Variants in MAML3 observed in about 807,000 individuals in gnomAD.
MAML3 encodes mastermind-like protein 3.
In MAML3, 27 loss-of-function variants were observed where a neutral mutation model predicts 101.9. That is an observed-to-expected ratio of 0.27 (90% CI 0.20 to 0.37). The LOEUF (loss-of-function observed/expected upper bound fraction) is 0.37, where lower values mean the gene tolerates loss of function less well. Among genes scored for constraint, MAML3 ranks in the 10% least tolerant of loss-of-function variants. The probability of loss-of-function intolerance (pLI) is 1.00; values close to 1 mark genes in which losing one functional copy is unlikely to be tolerated. For synonymous variants in MAML3, 501 were observed against 555.9 expected, an observed-to-expected ratio of 0.90 and a Z score of 1.39; for missense variants, 1,316 against 1,444.9, an observed-to-expected ratio of 0.91 and a Z score of 1.45.
rs550176436 is a variant in MAML3 at position 139,772,644 on chromosome 4, A to C, written c.2080-41977T>G. ...AGGTGTGAGCCACTGCGCCTGGCCA[A>C]AGTTATCTTAACATTATTGGCCCTC... On this transcript the variant is annotated intron_variant, in intron 2 of 4. Coordinates refer to ENST00000509479, the MANE Select transcript of MAML3 (RefSeq NM_018717.5). Among the ~76,000 whole-genome samples, 9 of 151,990 alleles carry C rather than the reference A, an allele frequency of 5.9e-5. No individual in the cohort carries two copies. The South Asian group carries it at 1.0e-3, about 18-fold the overall frequency.
chr4:140,138,335 C>T (rs969222161), intron 1 of MAML3, among the ~76,000 whole-genome samples: 2 of 152,188 alleles, frequency 1.3e-5, no homozygotes, highest in Admixed American at 6.5e-5. Flanking sequence ...CTCCATGCTT[C>T]ATTGAAGAAA....
rs77380991 is a variant in MAML3 at position 139,934,882 on chromosome 4, G to A, written c.469-43915C>T. ...GAGAGAAAATAAACCCTAAGGCATA[G>A]AGTAATTTTCTGCTTGTTGAATCTT... On this transcript the variant is annotated intron_variant, in intron 1 of 4. Coordinates refer to ENST00000509479, the MANE Select transcript of MAML3 (RefSeq NM_018717.5). Among the ~76,000 whole-genome samples the A allele has an allele frequency of 5.4e-4, 82 of 152,280 alleles. 1 individual carries two copies. The highest frequency in any genetic ancestry group is 1.8e-3 in the African/African-American group (74 of 41,552).
At chr4:139,812,335 G>A (rs565823423) in intron 2 of MAML3, among the ~76,000 whole-genome samples, 3 of 152,180 alleles carry the variant, frequency 2.0e-5, no homozygotes, top group Admixed American at 6.5e-5. Context: ...AACACAGTAC[G>A]ATTAGCTGAA....
intron 1 of MAML3, among the ~76,000 whole-genome samples, chr4:139,898,018 C>G (rs146481738): frequency 1.3e-5 from 2 of 152,218 alleles, no homozygotes; most frequent in Non-Finnish European, 2.9e-5. Flanking sequence ...GTGTCCTTTA[C>G]AATTCAGTTT....
chr4:140,000,286 C>A (rs965104064), intron 1 of MAML3, among the ~76,000 whole-genome samples: 21 of 151,814 alleles, frequency 1.4e-4, no homozygotes, highest in Non-Finnish European at 2.4e-4. Context: ...ATAAAAAGAG[C>A]CAGCAAAGCA....
At chr4:139,809,667 G>A (rs992481512) in intron 2 of MAML3, among the ~76,000 whole-genome samples, 4 of 152,072 alleles carry the variant, frequency 2.6e-5, no homozygotes, top group African/African-American at 9.7e-5. Flanking sequence ...AACCATATGT[G>A]TTCTCACCCT....
intron 1 of MAML3, among the ~76,000 whole-genome samples, chr4:140,136,767 G>C (rs1578704003): frequency 6.6e-6 from 1 of 152,164 alleles, no homozygotes; most frequent in African/African-American, 2.4e-5. Flanking sequence ...CCACCAAAGG[G>C]AAAGGAAAAC....
chr4:140,095,417 A>G (rs1474340120), intron 1 of MAML3, among the ~76,000 whole-genome samples: 5 of 151,982 alleles, frequency 3.3e-5, no homozygotes, highest in Non-Finnish European at 4.4e-5. Context: ...TTGACCCCCA[A>G]TTGGCAACAA....
intron 2 of MAML3, among the ~76,000 whole-genome samples, chr4:139,792,557 TG>T (rs761389134): frequency 1.3e-5 from 2 of 152,176 alleles, no homozygotes; most frequent in Admixed American, 1.3e-4. Flanking sequence ...GCATTTAAAA[TG>T]TTATATACTT....
chr4:140,092,001 G>A (rs184134277), intron 1 of MAML3, among the ~76,000 whole-genome samples: 34 of 149,732 alleles, frequency 2.3e-4, no homozygotes, highest in Admixed American at 2.0e-3. Context: ...AAAGCAGTGG[G>A]GTATCATCTC....
At position 139,720,108 on chromosome 4, in the gene MAML3, T is replaced by C; in HGVS notation, c.2632A>G (p.Met878Val). 3.1e-6 allele frequency: 5 copies of C among 1,614,092 alleles called. No homozygotes were observed. Among genetic ancestry groups the C allele is most frequent in the Non-Finnish European group, 4.2e-6 (5 of 1,179,908 alleles). ...TTTGGATGCTGCAACATTTGGGTCA[T>C]GCCTGTGCTCATATTGTACATTCCT... ...QPGMYNMSTG[M>V]TQMLQHPNQS... Residue 878 changes from methionine to valine, a missense_variant, in exon 5 of 5, where the codon ATG becomes GTG. Met to Val is a conservative substitution (Grantham distance 21). Coordinates refer to ENST00000509479, the MANE Select transcript of MAML3 (RefSeq NM_018717.5).
intron 1 of MAML3, among the ~76,000 whole-genome samples, chr4:140,035,730 C>A (rs979724033): frequency 1.3e-4 from 19 of 151,836 alleles, no homozygotes; most frequent in African/African-American, 4.6e-4. Flanking sequence ...TTGCAGTGAG[C>A]CGAGACTGCA....
At chr4:140,082,744 AT>A (rs34036610) in intron 1 of MAML3, among the ~76,000 whole-genome samples, 309 of 146,928 alleles carry the variant, frequency 2.1e-3, no homozygotes, top group Middle Eastern at 3.5e-3. Context: ...CCACTCTAGG[AT>A]TTTTTTTTTT....
chr4:139,769,204 C>CA (rs1182931047), intron 2 of MAML3, among the ~76,000 whole-genome samples: 1 of 152,204 alleles, frequency 6.6e-6, no homozygotes, highest in Non-Finnish European at 1.5e-5. Flanking sequence ...GAGCTGGGAA[C>CA]AGGCAGGCAG....
At position 140,088,888 on chromosome 4, in the gene MAML3, G is replaced by A. The variant is rs537311661; in HGVS notation, c.468+63972C>T. ...ATCTTAATTGTATCTCCCACAGTTC[G>A]GTGCTTTCAGTGTGGAATTTCTACA... On this transcript the variant is annotated intron_variant, in intron 1 of 4. Coordinates refer to ENST00000509479, the MANE Select transcript of MAML3 (RefSeq NM_018717.5). Among the ~76,000 whole-genome samples the A allele has an allele frequency of 3.3e-5, 5 of 152,142 alleles. No individual in the cohort carries two copies. The South Asian group carries it at 8.3e-4, about 25-fold the overall frequency.
chr4:139,998,129 T>G (rs982752903), intron 1 of MAML3, among the ~76,000 whole-genome samples: 4 of 152,184 alleles, frequency 2.6e-5, no homozygotes, highest in African/African-American at 9.6e-5. Flanking sequence ...TCCCATTATA[T>G]GTATGCTAGC....
chr4:139,732,218 A>G (rs1203726593), intron 2 of MAML3, among the ~76,000 whole-genome samples: 1 of 152,194 alleles, frequency 6.6e-6, no homozygotes, highest in African/African-American at 2.4e-5. Context: ...ACCGTTAAAC[A>G]TATTGGCAGT....
chr4:139,890,625 T>C lies in MAML3; in HGVS notation c.811A>G (p.Ser271Gly). ...DLEDSFTILQSKDLKQEPLDD... is the reference protein window; with the variant it reads ...DLEDSFTILQGKDLKQEPLDD... ...AGAGGTTCTTGTTTGAGGTCTTTGCTCTGCAAGATGGTGAAGCTATCCTCC... is the reference window on the plus strand; with the variant it reads ...AGAGGTTCTTGTTTGAGGTCTTTGCCCTGCAAGATGGTGAAGCTATCCTCC... Residue 271 changes from serine to glycine, a missense_variant, in exon 2 of 5, where the codon AGC becomes GGC. Coordinates refer to ENST00000509479, the MANE Select transcript of MAML3 (RefSeq NM_018717.5). The surrounding 1 kb of genome is among the most constrained non-coding windows in gnomAD (Gnocchi z 4.1). 1 of 1,613,948 alleles carries C rather than the reference T, an allele frequency of 6.2e-7. No individual in the cohort carries two copies. Among genetic ancestry groups the C allele is most frequent in the Non-Finnish European group, 8.5e-7 (1 of 1,179,810 alleles).
chr4:140,006,911 C>G (rs1726462751), intron 1 of MAML3, among the ~76,000 whole-genome samples: 1 of 152,096 alleles, frequency 6.6e-6, no homozygotes, highest in Admixed American at 6.5e-5. Flanking sequence ...CCCGTCAACC[C>G]CTTGAGGTAG....
Sources: gnomAD v4.1 joint callset for allele counts (sites outside exome capture counted in the v4.1 genomes callset) on GRCh38, gnomAD v4.1.1 for gene constraint, Gnocchi (gnomAD v3.1) non-coding constraint, MANE v1.5 for transcripts, NCBI Gene and HGNC (gene_info 2026-07-23, HGNC 2026-07-21) for gene names.